The following LGI4 variants were observed in gnomAD, a reference collection of about 807,000 sequenced individuals.
The protein encoded by LGI4 is leucine-rich repeat LGI family member 4.
A neutral mutation model predicts 48.3 loss-of-function variants in LGI4; 36 were observed. The ratio of observed to expected loss-of-function variants is 0.75; its 90% CI spans 0.57 to 0.98. LGI4 has a LOEUF of 0.98. Ranked by LOEUF, LGI4 falls within the 50% of genes least tolerant of loss-of-function variation. The probability of loss-of-function intolerance (pLI) is 0.00; values close to 1 mark genes in which losing one functional copy is unlikely to be tolerated. For synonymous variants in LGI4, 355 were observed against 331.6 expected (o/e 1.07, Z -0.77); for missense variants, 701 against 732.1 (o/e 0.96, Z 0.49).
intron 2 of LGI4, 123 bp from the exon 3 acceptor site, chr19:35,133,887 C>T (rs1020704086): frequency 2.3e-6 from 3 of 1,321,392 alleles, no homozygotes; most frequent in Non-Finnish European, 3.2e-6. Context: ...TGCATGGACA[C>T]AAATGCTTTT....
chr19:35,131,317 G>A lies in LGI4; in HGVS notation c.628+69C>T, dbSNP rs564167586. 196 of 1,530,496 alleles carry A rather than the reference G, an allele frequency of 1.3e-4. 1 individual carries two copies. In the South Asian group the frequency reaches 1.8e-3, roughly 14 times the overall value. The allele number at this position is 1,530,496 out of a possible 1,614,324, so 94.8% of individuals were successfully genotyped here. ...GAAATGGCAGGGCAGGGAGTGAGACGAGCCTCTTGGCCCTGGCAGCCTTTC... is the reference window on the plus strand; with the variant it reads ...GAAATGGCAGGGCAGGGAGTGAGACAAGCCTCTTGGCCCTGGCAGCCTTTC... On this transcript the variant is annotated intron_variant, in intron 6 of 8. Coordinates refer to ENST00000310123, the MANE Select transcript of LGI4 (RefSeq NM_139284.3).
intron 5 of LGI4, 97 bp from the exon 6 acceptor site, chr19:35,131,652 G>A (rs1449568676): frequency 1.4e-6 from 2 of 1,471,892 alleles, no homozygotes; most frequent in Non-Finnish European, 1.8e-6. Flanking sequence ...CAGAGATGGG[G>A]CCCCATAGTG....
chr19:35,125,388 G>T lies in LGI4; in HGVS notation c.1419C>A (p.Phe473Leu), dbSNP rs754055592. 6.2e-7 allele frequency: 1 copy of T among 1,612,682 alleles called. No individual in the cohort carries two copies. The highest frequency in any genetic ancestry group is 8.5e-7 in the Non-Finnish European group (1 of 1,179,278). ...CAAGGCGGAGGACCTGGCTGAAGGC[G>T]AAGTCGCTGCCTAGGATGGCCAGCT... Reference protein sequence around the residue: ...RDQLAILGSDFAFSQVLRLEP... With the variant: ...RDQLAILGSDLAFSQVLRLEP... Residue 473 changes from phenylalanine to leucine, a missense_variant, in exon 9 of 9, where the codon TTC becomes TTA. Coordinates refer to ENST00000310123, the MANE Select transcript of LGI4 (RefSeq NM_139284.3).
In LGI4 at chr19:35,126,879, C is replaced by G; in HGVS notation, c.767G>C (p.Arg256Pro). The G allele has an allele frequency of 6.2e-7, 1 of 1,612,878 alleles. No homozygotes were observed. Among genetic ancestry groups the G allele is most frequent in the Non-Finnish European group, 8.5e-7 (1 of 1,179,790 alleles). The change falls in exon 7 of 9, where the codon CGC (arginine) becomes CCC (proline). Residue 256 changes from arginine (R) to proline (P), a missense_variant. By Grantham distance (103) the Arg-to-Pro change is moderately radical. Around this residue, in one of 3 missense-constraint regions of LGI4, gnomAD observed 462 missense variants for 436.4 expected, o/e 1.06. Coordinates refer to ENST00000310123, the MANE Select transcript of LGI4 (RefSeq NM_139284.3). ...LILSWDYSLQ[R>P]FRPEEELPAA... ...GGGCAGCTCTTCCTCGGGCCGGAAG[C>G]GCTGCAGGCTGTAGTCCCAGGAGAG...
At chr19:35,129,099 G>C (rs1410018912) in intron 6 of LGI4, among the ~76,000 whole-genome samples, 1 of 152,132 alleles carries the variant, frequency 6.6e-6, no homozygotes, top group African/African-American at 2.4e-5. Flanking sequence ...TCCCAGGACT[G>C]TAAGTCCCGT....
At chr19:35,125,692 C>G (rs1410040419) in intron 8 of LGI4, 185 bp from the exon 9 acceptor site, 1 of 704,740 alleles carries the variant, frequency 1.4e-6, no homozygotes, top group Non-Finnish European at 2.6e-6. Context: ...CCCTCACGCC[C>G]CACACAGAAG....
Position 35,131,561 on chromosome 19 carries a change from G to A in LGI4, c.459-6C>T. On this transcript the variant is annotated splice_region_variant and splice_polypyrimidine_tract_variant and intron_variant, in intron 5 of 8. Coordinates refer to ENST00000310123, the MANE Select transcript of LGI4 (RefSeq NM_139284.3). Reference sequence around the variant, plus strand: ...ACGGGTTCCCGCGGAGGTCCCTGGGGCAAGAGGCCAGGGAGGGGCTGCGAC... The same window carrying A: ...ACGGGTTCCCGCGGAGGTCCCTGGGACAAGAGGCCAGGGAGGGGCTGCGAC... 1.3e-6 allele frequency: 2 copies of A among 1,549,496 alleles called. No homozygotes were observed. The highest frequency in any genetic ancestry group is 1.7e-6 in the Non-Finnish European group (2 of 1,146,204).
chr19:35,125,526 T>C lies in LGI4; in HGVS notation c.1300-19A>G. On this transcript the variant is annotated intron_variant, in intron 8 of 8. Coordinates refer to ENST00000310123, the MANE Select transcript of LGI4 (RefSeq NM_139284.3). ...GCATGACCTGTGGGGGTGTGGCCAG[T>C]GAGGGCCTGGGGTCCCGGGGGTCTC... The C allele has an allele frequency of 6.6e-7, 1 of 1,515,308 alleles. No homozygotes were observed. The highest frequency in any genetic ancestry group is 8.9e-7 in the Non-Finnish European group (1 of 1,126,520). 93.9% of individuals were successfully genotyped at this position (1,515,308 alleles called of 1,614,324 possible). A position where few individuals can be genotyped will look rare whatever the true frequency, so the allele number is the denominator to read the frequency against.
In LGI4 at chr19:35,125,476, A is replaced by G; in HGVS notation, c.1331T>C (p.Leu444Pro). 1 of 1,583,950 alleles carries G rather than the reference A, an allele frequency of 6.3e-7. No homozygotes were observed. The highest frequency in any genetic ancestry group is 2.3e-5 in the East Asian group (1 of 43,884). ...VMRWDGSMFR[L>P]LQQLPSRGAH... ...ACCGCGCGAGGGAAGTTGCTGCAGC[A>G]GACGAAACATGGAGCCGTCCCAGCG... Residue 444 changes from leucine to proline, a missense_variant, in exon 9 of 9, where the codon CTG (leucine) becomes CCG (proline). By Grantham distance (98) the Leu-to-Pro change is moderately conservative. This residue lies in a region of LGI4 where 223 missense variants were observed against 263.3 expected (regional missense o/e 0.85). Coordinates refer to ENST00000310123, the MANE Select transcript of LGI4 (RefSeq NM_139284.3).
chr19:35,126,097 GGGAGTGGTTC>G (rs1215118408), intron 8 of LGI4, 163 bp downstream of exon 8: 7 of 665,224 alleles, frequency 1.1e-5, no homozygotes, highest in Non-Finnish European at 1.8e-5. Context: ...TCGGGGACTG[GGGAGTGGTTC>G]GGAGTCAGCC....
At chr19:35,130,574 G>C (rs2145365372) in intron 6 of LGI4, among the ~76,000 whole-genome samples, 1 of 152,276 alleles carries the variant, frequency 6.6e-6, no homozygotes, top group Non-Finnish European at 1.5e-5. Flanking sequence ...ACATATGCCT[G>C]TAGTCCCAGC....
intron 4 of LGI4, 30 bp downstream of exon 4, chr19:35,131,941 A>T (rs2065178730): frequency 6.3e-7 from 1 of 1,578,166 alleles, no homozygotes; most frequent in Admixed American, 1.8e-5. Context: ...GGTGCCTCTC[A>T]TGGAGGGCTG....
Position 35,134,791 on chromosome 19 carries a change from C to T in LGI4, c.-111G>A, listed in dbSNP as rs530052822. 123 of 603,454 alleles carry T rather than the reference C, an allele frequency of 2.0e-4. No homozygotes were observed. The highest frequency in any genetic ancestry group is 1.9e-3 in the Admixed American group (58 of 31,092). The allele number at this position is 603,454 out of a possible 1,614,324, so 37.4% of individuals were successfully genotyped here. ...CCCTCCATCCGCCTGCTGGCACGCT[C>T]GGCCCTGGCTTCTCTCTCCTCTTCT... is the stretch of plus-strand genomic sequence containing the variant. On this transcript the variant is annotated 5_prime_UTR_variant, in exon 1 of 9. Transcript: ENST00000310123.
Position 35,131,526 on chromosome 19 carries a change from T to G in LGI4, c.488A>C (p.Asp163Ala). 2.6e-6 allele frequency: 4 copies of G among 1,551,188 alleles called. No individual in the cohort carries two copies. The highest frequency in any genetic ancestry group is 2.6e-6 in the Non-Finnish European group (3 of 1,146,884). The change falls in exon 6 of 9, where the codon GAC becomes GCC. Residue 163 changes from aspartate (D) to alanine (A), a missense_variant. Transcript: ENST00000310123. ...CTGCAGGAGCCAGAGGACGCGGCAG[T>G]CACACTGGAACGGGTTCCCGCGGAG... Reference protein sequence around the residue: ...VDLRGNPFQCDCRVLWLLQWM... With the variant: ...VDLRGNPFQCACRVLWLLQWM...
rs527974677 is a variant in LGI4, at chr19:35,131,916, G to A, written c.386+55C>T. 26 of 1,563,714 alleles carry A rather than the reference G, an allele frequency of 1.7e-5. 2 individuals carry two copies. The South Asian group carries it at 2.3e-4, about 14-fold the overall frequency. On this transcript the variant is annotated intron_variant, in intron 4 of 8. Coordinates refer to ENST00000310123, the MANE Select transcript of LGI4 (RefSeq NM_139284.3). ...GCCACAAGGATACCCTGTGTTCCCT[G>A]GGGGGTGGAGCATGGGTGCCTCTCA... is the stretch of plus-strand genomic sequence containing the variant.
At chr19:35,133,245 C>T (rs970094497) in intron 3 of LGI4, 11 of 666,470 alleles carry the variant, frequency 1.7e-5, no homozygotes, top group East Asian at 2.5e-4. Context: ...TGACTGCCAC[C>T]GCTGCCACCA....
intron 6 of LGI4, 96 bp from the exon 7 acceptor site, chr19:35,127,113 C>A: frequency 7.9e-7 from 1 of 1,258,064 alleles, no homozygotes; most frequent in South Asian, 1.5e-5. Context: ...GGAGGCCATT[C>A]ATGGTACCCC....
chr19:35,134,189 C>A, intron 1 of LGI4, 85 bp from the exon 2 acceptor site: 1 of 1,234,438 alleles, frequency 8.1e-7, no homozygotes, highest in Non-Finnish European at 1.2e-6. Context: ...TCCGGGAGAC[C>A]CCAGCGTGCC....
chr19:35,132,106 G>T, intron 3 of LGI4, 64 bp from the exon 4 acceptor site: 1 of 1,327,414 alleles, frequency 7.5e-7, no homozygotes, highest in South Asian at 1.3e-5. Flanking sequence ...CCCCATGAAA[G>T]ACATAGGCCC....
Sources: gnomAD v4.1 joint callset for allele counts (sites outside exome capture counted in the v4.1 genomes callset) on GRCh38, gnomAD v4.1.1 for gene constraint, gnomAD v4.1.1 regional missense constraint, MANE v1.5 for transcripts, NCBI Gene and HGNC (gene_info 2026-07-23, HGNC 2026-07-21) for gene names.